Variants in ADAM29 observed in about 807,000 individuals in gnomAD.
The protein encoded by ADAM29 is ADAM metallopeptidase domain 29, also known as disintegrin and metalloproteinase domain-containing protein 29.
For synonymous variants in ADAM29, 367 were observed against 342.3 expected (o/e 1.07, Z -0.80); for missense variants, 969 against 1,001.8 (o/e 0.97, Z 0.44).
At chr4:174,933,523 T>C (rs1040583240) in intron 3 of ADAM29, among the ~76,000 whole-genome samples, 3 of 152,156 alleles carry the variant, frequency 2.0e-5, no homozygotes, top group Admixed American at 6.5e-5. Flanking sequence ...ATGTTTGCTA[T>C]ATAGGTAAAC....
chr4:174,976,305 T>G lies in ADAM29; in HGVS notation c.780T>G (p.Asp260Glu), dbSNP rs573480300. The G allele has an allele frequency of 1.2e-6, 2 of 1,612,646 alleles. No individual in the cohort carries two copies. Among genetic ancestry groups the G allele is most frequent in the South Asian group, 2.2e-5 (2 of 90,670 alleles). ...CCAATAAAAACCTCATTGTAGTAGATGATGTAAGGAAATCTGTGCACCTGT... is the reference window on the plus strand; with the variant it reads ...CCAATAAAAACCTCATTGTAGTAGAGGATGTAAGGAAATCTGTGCACCTGT... ...IWTNKNLIVV[D>E]DVRKSVHLYC... Residue 260 changes from aspartate to glutamate, a missense_variant, in exon 5 of 5, where the codon GAT (aspartate) becomes GAG (glutamate). Transcript: ENST00000359240.
chr4:174,930,335 T>G (rs1743789386), intron 2 of ADAM29, among the ~76,000 whole-genome samples: 1 of 152,184 alleles, frequency 6.6e-6, no homozygotes, highest in Non-Finnish European at 1.5e-5. Flanking sequence ...TAAAGCAATT[T>G]TCACATTGTG....
intron 4 of ADAM29, among the ~76,000 whole-genome samples, chr4:174,974,639 A>C (rs1746653620): frequency 6.6e-6 from 1 of 152,214 alleles, no homozygotes; most frequent in Non-Finnish European, 1.5e-5. Flanking sequence ...TTTGAGTAAT[A>C]CTTATTTCAC....
chr4:174,974,526 G>C (rs1163533594), intron 4 of ADAM29, among the ~76,000 whole-genome samples: 1 of 152,142 alleles, frequency 6.6e-6, no homozygotes, highest in Non-Finnish European at 1.5e-5. Flanking sequence ...TAGAACGAAG[G>C]ATAAGGAAAA....
At chr4:174,958,712 T>G (rs1243824697) in intron 4 of ADAM29, among the ~76,000 whole-genome samples, 2 of 151,150 alleles carry the variant, frequency 1.3e-5, no homozygotes, top group Non-Finnish European at 3.0e-5. Context: ...TACTAGTCTC[T>G]ACCTCTTGTT....
chr4:174,944,735 T>C (rs1353085672), intron 4 of ADAM29, among the ~76,000 whole-genome samples: 8 of 152,194 alleles, frequency 5.3e-5, no homozygotes, highest in Non-Finnish European at 1.0e-4. Flanking sequence ...TTTGTGTCCA[T>C]GTGTACTCGA....
chr4:174,965,239 GA>G (rs1339637054), intron 4 of ADAM29, among the ~76,000 whole-genome samples: 1 of 122,716 alleles, frequency 8.1e-6, no homozygotes, highest in Non-Finnish European at 1.7e-5. Context: ...GGTAAGGGAG[GA>G]AGCAAGAGAG....
At chr4:174,965,484 C>CATCCATCT (rs1746095400) in intron 4 of ADAM29, among the ~76,000 whole-genome samples, 1 of 147,102 alleles carries the variant, frequency 6.8e-6, no homozygotes, top group Non-Finnish European at 1.5e-5. Flanking sequence ...CTCTATCTAT[C>CATCCATCT]ATCTATCTAT....
At chr4:174,926,667 G>A (rs1245282925) in intron 2 of ADAM29, among the ~76,000 whole-genome samples, 3 of 147,442 alleles carry the variant, frequency 2.0e-5, no homozygotes, top group Non-Finnish European at 3.0e-5. Context: ...TCAGGAGGCT[G>A]AGCCATGATC....
chr4:174,921,850 C>A (rs1323094316), intron 2 of ADAM29, among the ~76,000 whole-genome samples: 3 of 152,100 alleles, frequency 2.0e-5, no homozygotes, highest in African/African-American at 7.2e-5. Context: ...TTCAAAATTT[C>A]TTCCAAGCTA....
chr4:174,928,983 A>T (rs1743687381), intron 2 of ADAM29, among the ~76,000 whole-genome samples: 3 of 152,218 alleles, frequency 2.0e-5, no homozygotes, highest in Admixed American at 2.0e-4. Flanking sequence ...AAGAGAGATC[A>T]AGGGCCTAGA....
At chr4:174,971,991 A>T (rs1267683550) in intron 4 of ADAM29, among the ~76,000 whole-genome samples, 5 of 152,112 alleles carry the variant, frequency 3.3e-5, no homozygotes, top group Admixed American at 6.5e-5. Context: ...GCTCTCTATT[A>T]AATAATTTAA....
chr4:174,933,477 TA>T (rs375186015), intron 3 of ADAM29, among the ~76,000 whole-genome samples: 2,378 of 149,762 alleles, frequency 0.016, 44 homozygotes, highest in African/African-American at 0.052. Flanking sequence ...AAGCTCTATT[TA>T]AAAAAAAAAC....
At chr4:174,954,759 T>C (rs919037235) in intron 4 of ADAM29, among the ~76,000 whole-genome samples, 5 of 152,166 alleles carry the variant, frequency 3.3e-5, no homozygotes, top group African/African-American at 9.6e-5. Flanking sequence ...CTGTAAAAAC[T>C]GAGATGATCA....
chr4:174,948,442 C>T (rs1437365202), intron 4 of ADAM29, among the ~76,000 whole-genome samples: 1 of 152,110 alleles, frequency 6.6e-6, no homozygotes, highest in Non-Finnish European at 1.5e-5. Context: ...AAGCTCAGCT[C>T]GGCACTCCTG....
chr4:174,944,075 T>G (rs1215843006), intron 4 of ADAM29, among the ~76,000 whole-genome samples: 3 of 151,680 alleles, frequency 2.0e-5, no homozygotes, highest in African/African-American at 7.2e-5. Flanking sequence ...AAATTATATG[T>G]TGTTAAATAT....
chr4:174,918,806 A>T (rs1005227485), intron 1 of ADAM29: 1 of 152,284 alleles, frequency 6.6e-6, no homozygotes, highest in South Asian at 2.1e-4. Flanking sequence ...TCAGAATCTC[A>T]GGAGTATAAA....
chr4:174,947,980 T>C (rs1744948619), intron 4 of ADAM29, among the ~76,000 whole-genome samples: 1 of 152,220 alleles, frequency 6.6e-6, no homozygotes, highest in South Asian at 2.1e-4. Context: ...CATATGACCA[T>C]ATTATGACAT....
Position 174,976,018 on chromosome 4 carries a change from GGATTTAT to G in ADAM29, c.495_501del (p.Phe166LysfsTer4). 6.2e-7 allele frequency: 1 copy of G among 1,613,072 alleles called. No individual in the cohort carries two copies. The highest frequency in any genetic ancestry group is 8.5e-7 in the Non-Finnish European group (1 of 1,179,780). ...GAAACAATTTTCAACCATGAGATCCGGATTTATGCAAAATGAAATAACATGCCGAATG... is the reference window on the plus strand; with the variant it reads ...GAAACAATTTTCAACCATGAGATCCGGCAAAATGAAATAACATGCCGAATG... On this transcript the variant is annotated frameshift_variant, in exon 5 of 5. Coordinates refer to ENST00000359240, the MANE Select transcript of ADAM29 (RefSeq NM_014269.4). LOFTEE classifies it low-confidence loss of function (END_TRUNC).
Sources: allele counts gnomAD v4.1 joint callset (sites outside exome capture counted in the v4.1 genomes callset), GRCh38; gene constraint gnomAD v4.1.1; transcripts MANE v1.5; gene names NCBI Gene and HGNC (gene_info 2026-07-23, HGNC 2026-07-21).